The following SLC35F1 variants were observed in gnomAD, a reference collection of about 807,000 sequenced individuals.
The protein encoded by SLC35F1 is chromosome 6 open reading frame 169.
SLC35F1 carries 14 observed loss-of-function variants against 48.7 expected under a neutral mutation model. The observed-to-expected ratio is 0.29, with a 90% confidence interval of 0.19 to 0.45. SLC35F1 has a LOEUF of 0.45. Ranked by LOEUF, SLC35F1 falls within the 20% of genes least tolerant of loss-of-function variation. The pLI is 1.00. For missense variants in SLC35F1, 404 were observed against 500.0 expected (o/e 0.81, Z 1.83); for synonymous variants, 190 against 202.2 (o/e 0.94, Z 0.51).
intron 3 of SLC35F1, among the ~76,000 whole-genome samples, chr6:118,256,551 G>A (rs757154151): frequency 2.0e-5 from 3 of 152,050 alleles, no homozygotes; most frequent in Non-Finnish European, 4.4e-5. Context: ...ATTAGAAAGA[G>A]GGATGAGGTC....
At chr6:118,114,778 G>A (rs893004258) in intron 1 of SLC35F1, among the ~76,000 whole-genome samples, 13 of 152,168 alleles carry the variant, frequency 8.5e-5, no homozygotes, top group East Asian at 5.8e-4. Flanking sequence ...TGCCAGCATG[G>A]TTCTGCATTG....
chr6:118,023,204 A>G (rs745521996), intron 1 of SLC35F1, among the ~76,000 whole-genome samples: 9 of 152,222 alleles, frequency 5.9e-5, no homozygotes, highest in Non-Finnish European at 1.0e-4. Context: ...TGAAGATCAA[A>G]GTAAGGTATC....
At chr6:118,000,839 C>G (rs1416836873) in intron 1 of SLC35F1, among the ~76,000 whole-genome samples, 1 of 152,178 alleles carries the variant, frequency 6.6e-6, no homozygotes, top group Non-Finnish European at 1.5e-5. Flanking sequence ...TGAGTGAACT[C>G]CCATTCACAA....
At chr6:118,100,057 G>T (rs1408766298) in intron 1 of SLC35F1, among the ~76,000 whole-genome samples, 1 of 152,076 alleles carries the variant, frequency 6.6e-6, no homozygotes, top group East Asian at 1.9e-4. Context: ...ACCCAATAAG[G>T]TTGGTATTAT....
chr6:118,257,791 A>C (rs1330536002), intron 3 of SLC35F1, among the ~76,000 whole-genome samples: 1 of 152,198 alleles, frequency 6.6e-6, no homozygotes, highest in Admixed American at 6.5e-5. Flanking sequence ...AAAAGCCATA[A>C]GTTGAAGATA....
intron 2 of SLC35F1, among the ~76,000 whole-genome samples, chr6:118,229,567 G>T (rs1775262547): frequency 6.6e-6 from 1 of 152,188 alleles, no homozygotes; most frequent in Admixed American, 6.5e-5. Context: ...CAAGGCAAAA[G>T]AAAATATTGC....
At chr6:118,066,760 T>C (rs1030474324) in intron 1 of SLC35F1, among the ~76,000 whole-genome samples, 6 of 150,448 alleles carry the variant, frequency 4.0e-5, no homozygotes, top group Admixed American at 6.6e-5. Flanking sequence ...TTTTTTTTTT[T>C]CTTGAGACAG....
intron 2 of SLC35F1, among the ~76,000 whole-genome samples, chr6:118,200,124 T>C (rs577064776): frequency 8.6e-5 from 13 of 151,942 alleles, no homozygotes; most frequent in Admixed American, 6.6e-4. Context: ...ACCAGCAGCA[T>C]AGGTGAGTGC....
At chr6:118,089,875 C>A (rs1773047903) in intron 1 of SLC35F1, among the ~76,000 whole-genome samples, 1 of 152,178 alleles carries the variant, frequency 6.6e-6, no homozygotes, top group Non-Finnish European at 1.5e-5. Flanking sequence ...AAGCCAATTT[C>A]ATGAAACAAA....
chr6:118,119,039 C>G (rs1365920162), intron 1 of SLC35F1, among the ~76,000 whole-genome samples: 1 of 150,926 alleles, frequency 6.6e-6, no homozygotes, highest in African/African-American at 2.4e-5. Context: ...TCCAAATTTG[C>G]TTAAGGTGGC....
intron 2 of SLC35F1, among the ~76,000 whole-genome samples, chr6:118,211,586 A>G (rs971576183): frequency 4.6e-5 from 7 of 152,232 alleles, no homozygotes; most frequent in East Asian, 1.9e-4. Context: ...TGCATGATCA[A>G]TTGGAGAACA....
chr6:118,301,549 G>GA (rs1170922085), intron 7 of SLC35F1, among the ~76,000 whole-genome samples: 1 of 152,058 alleles, frequency 6.6e-6, no homozygotes, highest in African/African-American at 2.4e-5. Context: ...TTTATTTGTA[G>GA]AAAAAATAAA....
chr6:118,262,189 T>C (rs1167125643), intron 3 of SLC35F1, among the ~76,000 whole-genome samples: 2 of 151,644 alleles, frequency 1.3e-5, no homozygotes, highest in East Asian at 3.9e-4. Context: ...CTTTCGGAAG[T>C]GTGGGTGTCT....
At chr6:118,049,048 G>T (rs1223754115) in intron 1 of SLC35F1, among the ~76,000 whole-genome samples, 1 of 152,078 alleles carries the variant, frequency 6.6e-6, no homozygotes, top group Non-Finnish European at 1.5e-5. Context: ...AGAGCCCTCA[G>T]AAATAATGCC....
intron 1 of SLC35F1, among the ~76,000 whole-genome samples, chr6:118,081,023 G>C (rs1772899202): frequency 6.6e-6 from 1 of 152,060 alleles, no homozygotes; most frequent in South Asian, 2.1e-4. Flanking sequence ...AACCTCAGAA[G>C]TGGGTTAGCC....
chr6:117,979,643 C>A (rs1409952980), intron 1 of SLC35F1, among the ~76,000 whole-genome samples: 1 of 152,162 alleles, frequency 6.6e-6, no homozygotes, highest in Non-Finnish European at 1.5e-5. Flanking sequence ...AAACACTCTT[C>A]TTAAAGCACA....
At chr6:118,300,808 A>C (rs1776246636) in intron 7 of SLC35F1, among the ~76,000 whole-genome samples, 2 of 152,208 alleles carry the variant, frequency 1.3e-5, no homozygotes, top group South Asian at 4.1e-4. Flanking sequence ...TTTTAGAATA[A>C]AATTTTATTT....
chr6:117,926,280 A>G (rs764110861), intron 1 of SLC35F1, among the ~76,000 whole-genome samples: 3 of 152,128 alleles, frequency 2.0e-5, no homozygotes, highest in African/African-American at 7.2e-5. Context: ...GCTTGCACTC[A>G]TTCTCTCTCC....
At chr6:118,057,999 G>T (rs2114267355) in intron 1 of SLC35F1, among the ~76,000 whole-genome samples, 1 of 152,246 alleles carries the variant, frequency 6.6e-6, no homozygotes, top group African/African-American at 2.4e-5. Context: ...TGAGGGGCTA[G>T]GAAAGCATCC....
Sources: gnomAD v4.1 joint callset for allele counts (sites outside exome capture counted in the v4.1 genomes callset) on GRCh38, gnomAD v4.1.1 for gene constraint, MANE v1.5 for transcripts, NCBI Gene and HGNC (gene_info 2026-07-23, HGNC 2026-07-21) for gene names.